PCDHGB3: variants seen among roughly 807,000 people sequenced by gnomAD.
PCDHGB3 encodes the protein protocadherin gamma subfamily B, 3.
In PCDHGB3, 40 loss-of-function variants were observed where a neutral mutation model predicts 59.2. The observed-to-expected ratio is 0.68, with a 90% CI of 0.52 to 0.88. PCDHGB3 has a LOEUF of 0.88. Ranked by LOEUF, PCDHGB3 falls within the 40% of genes least tolerant of loss-of-function variation. The probability of loss-of-function intolerance (pLI) is 0.00; values close to 1 mark genes in which losing one functional copy is unlikely to be tolerated. For synonymous variants in PCDHGB3, 581 were observed against 503.6 expected, an observed-to-expected ratio of 1.15 and a Z score of -2.06; for missense variants, 1,309 against 1,187.9, an observed-to-expected ratio of 1.10 and a Z score of -1.50.
At chr5:141,405,830 G>A (rs1214599375) in intron 1 of PCDHGB3, among the ~76,000 whole-genome samples, 3 of 152,148 alleles carry the variant, frequency 2.0e-5, no homozygotes, top group East Asian at 1.9e-4. Flanking sequence ...ACTTAAGGTA[G>A]TATAAGTTGA....
intron 1 of PCDHGB3, among the ~76,000 whole-genome samples, chr5:141,492,893 C>T (rs936521362): frequency 2.0e-5 from 3 of 152,178 alleles, no homozygotes; most frequent in Admixed American, 6.5e-5. Flanking sequence ...AGGCTTTTGG[C>T]GCCGTCGTGA....
chr5:141,381,026 C>A (rs1409313580), intron 1 of PCDHGB3, among the ~76,000 whole-genome samples: 1 of 152,144 alleles, frequency 6.6e-6, no homozygotes, highest in Non-Finnish European at 1.5e-5. Flanking sequence ...CTATTAGTTC[C>A]TTTAAACAAA....
intron 1 of PCDHGB3, chr5:141,387,603 C>G (rs905416609): frequency 1.8e-6 from 1 of 544,680 alleles, no homozygotes; most frequent in African/African-American, 1.9e-5. Context: ...GCAGCAGAGG[C>G]TGTAGTTTCC....
intron 1 of PCDHGB3, chr5:141,404,954 A>C: frequency 6.2e-7 from 1 of 1,613,952 alleles, no homozygotes; most frequent in Non-Finnish European, 8.5e-7. Flanking sequence ...AGCTGACAGC[A>C]TCCCAGACAT....
At chr5:141,374,363 G>T (rs1770422956) in intron 1 of PCDHGB3, 2 of 1,613,916 alleles carry the variant, frequency 1.2e-6, no homozygotes, top group African/African-American at 2.7e-5. Flanking sequence ...AGACCGCGAG[G>T]AGCTCTGTGC....
intron 1 of PCDHGB3, chr5:141,419,137 CAG>C (rs1561778402): frequency 1.2e-6 from 2 of 1,613,892 alleles, no homozygotes; most frequent in South Asian, 1.1e-5. Context: ...CAGCCACAGA[CAG>C]GGGCAAGCCT....
chr5:141,392,915 T>A, intron 1 of PCDHGB3: 2 of 1,613,920 alleles, frequency 1.2e-6, no homozygotes, highest in Non-Finnish European at 1.7e-6. Flanking sequence ...TTCGCTACTC[T>A]GTGCCAGAAG....
At chr5:141,406,116 AG>A (rs982166274) in intron 1 of PCDHGB3, among the ~76,000 whole-genome samples, 4 of 147,788 alleles carry the variant, frequency 2.7e-5, no homozygotes, top group African/African-American at 1.0e-4. Context: ...TCTGTTGTCC[AG>A]GGTGGAATGC....
At chr5:141,428,100 G>A (rs1313410784) in intron 1 of PCDHGB3, 6 of 1,608,582 alleles carry the variant, frequency 3.7e-6, no homozygotes, top group East Asian at 2.2e-5. Context: ...GTCCTACCAC[G>A]TGCTGCAGGC....
At position 141,454,796 on chromosome 5, in the gene PCDHGB3, ATTT is replaced by A. The variant is rs61612330; in HGVS notation, c.2416-39984_2416-39982del. On this transcript the variant is annotated intron_variant, in intron 1 of 3. Coordinates refer to ENST00000576222, the MANE Select transcript of PCDHGB3 (RefSeq NM_018924.5). ...AAGGAAATAATCCTCCATGGTTCTA[ATTT>A]TTTTTTTTTTTTTTTTTTTTTTTTT... is the stretch of plus-strand genomic sequence containing the variant. 8.4e-3 allele frequency among the ~76,000 whole-genome samples: 651 copies of A among 77,268 alleles called. 2 individuals are homozygous for A. Among genetic ancestry groups the A allele is most frequent in the African/African-American group, 0.012 (206 of 16,834 alleles). The allele number at this position is 77,268 out of a possible 152,430, so 50.7% of individuals were successfully genotyped here. A position where few individuals can be genotyped will look rare whatever the true frequency, so the allele number is the denominator to read the frequency against.
In PCDHGB3 at chr5:141,431,514, C is replaced by T. The variant is rs760416874; in HGVS notation, c.2415+58705C>T. ...CAGCCCGAGTACCGCGCGAGCGTTC[C>T]GGAGAATCTGGCCTTGGGCACGCAG... On this transcript the variant is annotated intron_variant, in intron 1 of 3. Transcript: ENST00000576222. This position sits in a 1 kb window ranked among gnomAD's most constrained non-coding sequence, Gnocchi z 4.8. 3.1e-6 allele frequency: 5 copies of T among 1,614,012 alleles called. No homozygotes were observed. The highest frequency in any genetic ancestry group is 1.1e-5 in the South Asian group (1 of 91,082).
intron 1 of PCDHGB3, chr5:141,422,368 G>A: frequency 1.9e-6 from 3 of 1,565,294 alleles, no homozygotes; most frequent in Non-Finnish European, 2.6e-6. Context: ...TGGAGAAAAT[G>A]GTCAAGTCTC....
At chr5:141,500,223 T>G (rs1034982746) in intron 2 of PCDHGB3, among the ~76,000 whole-genome samples, 16 of 145,318 alleles carry the variant, frequency 1.1e-4, no homozygotes, top group African/African-American at 3.4e-4. Context: ...TTTATTTATT[T>G]ATTGATACGT....
intron 1 of PCDHGB3, chr5:141,414,594 C>T: frequency 1.2e-6 from 2 of 1,613,952 alleles, no homozygotes; most frequent in Non-Finnish European, 1.7e-6. Flanking sequence ...CCAGGGGTGC[C>T]TCCATCTTCT....
At chr5:141,453,464 C>A (rs186131587) in intron 1 of PCDHGB3, among the ~76,000 whole-genome samples, 16 of 152,090 alleles carry the variant, frequency 1.1e-4, no homozygotes, top group Non-Finnish European at 1.9e-4. Flanking sequence ...AAAACATTAA[C>A]ATAAAGTCAA....
At chr5:141,471,932 A>T (rs1015576042) in intron 1 of PCDHGB3, among the ~76,000 whole-genome samples, 1 of 152,158 alleles carries the variant, frequency 6.6e-6, no homozygotes, top group Non-Finnish European at 1.5e-5. Context: ...GGGGGTGATG[A>T]GAGTTTTCTA....
intron 1 of PCDHGB3, chr5:141,402,878 G>A: frequency 1.4e-6 from 2 of 1,471,050 alleles, no homozygotes; most frequent in Non-Finnish European, 1.8e-6. Context: ...ACCATACTTT[G>A]CAGGGTGGAA....
chr5:141,477,644 T>A lies in PCDHGB3; in HGVS notation c.2416-17163T>A. On this transcript the variant is annotated intron_variant, in intron 1 of 3. Coordinates refer to ENST00000576222, the MANE Select transcript of PCDHGB3 (RefSeq NM_018924.5). The surrounding 1 kb of genome is among the most constrained non-coding windows in gnomAD (Gnocchi z 4.9). ...TGAAACCGGGCTAGTGGGTCGCTAT[T>A]TCACAATAAATCGTGACAATGGCAT... The A allele has an allele frequency of 6.2e-7, 1 of 1,614,200 alleles. No homozygotes were observed. Among genetic ancestry groups the A allele is most frequent in the Non-Finnish European group, 8.5e-7 (1 of 1,180,036 alleles).
chr5:141,371,918 C>A lies in PCDHGB3; in HGVS notation c.1524C>A (p.Ser508Arg), dbSNP rs1055994137. Reference sequence around the variant, plus strand: ...AGCTGTCGTCCTACGTGTCCGTGAGCGCGCGGAGCGGGGTGGTGTTCGCGC... The same window carrying A: ...AGCTGTCGTCCTACGTGTCCGTGAGAGCGCGGAGCGGGGTGGTGTTCGCGC... Reference protein sequence around the residue: ...PRELSSYVSVSARSGVVFAQR... With the variant: ...PRELSSYVSVRARSGVVFAQR... Residue 508 changes from serine (S) to arginine (R), a missense_variant, in exon 1 of 4, where the codon AGC becomes AGA. Ser to Arg is a moderately radical substitution (Grantham distance 110, BLOSUM62 -1). Coordinates refer to ENST00000576222, the MANE Select transcript of PCDHGB3 (RefSeq NM_018924.5). 2.5e-6 allele frequency: 4 copies of A among 1,613,254 alleles called. No homozygotes were observed. The highest frequency in any genetic ancestry group is 2.2e-5 in the East Asian group (1 of 44,894).
Sources: gnomAD v4.1 joint callset for allele counts (sites outside exome capture counted in the v4.1 genomes callset) on GRCh38, gnomAD v4.1.1 for gene constraint, Gnocchi (gnomAD v3.1) non-coding constraint, MANE v1.5 for transcripts, NCBI Gene and HGNC (gene_info 2026-07-23, HGNC 2026-07-21) for gene names.